KYAT3: variants seen among roughly 807,000 people sequenced by gnomAD.
The protein encoded by KYAT3 is kynurenine aminotransferase 3, also known as kynurenine--oxoglutarate transaminase 3.
KYAT3 carries 50 observed loss-of-function variants against 59.0 expected under a neutral mutation model. That is an observed-to-expected ratio of 0.85 (90% CI 0.68 to 1.07). The LOEUF (loss-of-function observed/expected upper bound fraction) is 1.07. Ranked by LOEUF, KYAT3 falls within the 50% of genes least tolerant of loss-of-function variation. The pLI is 0.00. For missense variants in KYAT3, 497 were observed against 533.3 expected (o/e 0.93, Z 0.67); for synonymous variants, 148 against 177.0 (o/e 0.84, Z 1.30).
intron 2 of KYAT3, chr1:88,983,144 G>C: frequency 1.2e-6 from 2 of 1,612,498 alleles, no homozygotes; most frequent in Non-Finnish European, 1.7e-6. Flanking sequence ...TGTATCACGA[G>C]AACTTGGGTA....
intron 2 of KYAT3, chr1:88,983,734 A>G (rs148869795): frequency 1.7e-4 from 277 of 1,614,038 alleles, no homozygotes; most frequent in Middle Eastern, 1.2e-3. Flanking sequence ...CTATTCGTCC[A>G]TATTTGCCAA....
rs1309028345 is a variant in KYAT3 at position 88,935,999 on chromosome 1, G to A, written c.*184C>T. On this transcript the variant is annotated 3_prime_UTR_variant, in exon 14 of 14. Transcript: ENST00000260508. ...GAAGGTGTGTTAATACATTTCAACT[G>A]GAAAAAAAAGGTCAGATCCCCCGAA... The A allele has an allele frequency of 7.9e-6, 4 of 507,464 alleles. No homozygotes were observed. Among genetic ancestry groups the A allele is most frequent in the Non-Finnish European group, 1.4e-5 (4 of 281,262 alleles). The allele number at this position is 507,464 out of a possible 1,614,324, so 31.4% of individuals were successfully genotyped here.
At chr1:88,943,560 G>A in intron 11 of KYAT3, 137 bp from the exon 12 acceptor site, 1 of 620,024 alleles carries the variant, frequency 1.6e-6, no homozygotes, top group Non-Finnish European at 2.9e-6. Context: ...CATAGTCACA[G>A]AATATGCTGG....
rs373043582 is a variant in KYAT3 at position 88,955,196 on chromosome 1, T to G, written c.817A>C (p.Ile273Leu). The change falls in exon 9 of 14, where the codon ATA (isoleucine) becomes CTA (leucine). Residue 273 changes from isoleucine (I) to leucine (L), a missense_variant. Physicochemically the swap from Ile to Leu is conservative, Grantham distance 5. Coordinates refer to ENST00000260508, the MANE Select transcript of KYAT3 (RefSeq NM_001008661.3). ...GTCTTTCCAGCACTTCCTATTGTTA[T>G]TGTTCTCTCCCACATACCTGGAAAA... Reference protein sequence around the residue: ...ATFPGMWERTITIGSAGKTFS... With the variant: ...ATFPGMWERTLTIGSAGKTFS... 10 of 1,612,594 alleles carry G rather than the reference T, an allele frequency of 6.2e-6. No individual in the cohort carries two copies. Among genetic ancestry groups the G allele is most frequent in the African/African-American group, 5.3e-5 (4 of 75,020 alleles).
At chr1:88,940,524 G>A (rs1370423999) in intron 13 of KYAT3, among the ~76,000 whole-genome samples, 3 of 151,532 alleles carry the variant, frequency 2.0e-5, no homozygotes, top group African/African-American at 7.3e-5. Flanking sequence ...TAAGGGAGAA[G>A]CTGGGGCAGC....
chr1:88,927,354 C>T, the KYAT3 span, among the ~76,000 whole-genome samples: 1 of 152,148 alleles, frequency 6.6e-6, no homozygotes, highest in Non-Finnish European at 1.5e-5. Context: ...GGGGGAGAAA[C>T]CTGGCCTCCT....
At chr1:88,974,273 A>T (rs1042468324) in intron 2 of KYAT3, among the ~76,000 whole-genome samples, 3 of 152,192 alleles carry the variant, frequency 2.0e-5, no homozygotes, top group African/African-American at 7.2e-5. Context: ...GTCATTTAAA[A>T]ATATTTTTAA....
chr1:88,986,352 G>C (rs931885642), intron 2 of KYAT3, among the ~76,000 whole-genome samples: 3 of 151,434 alleles, frequency 2.0e-5, no homozygotes, highest in Admixed American at 6.6e-5. Flanking sequence ...AGGGCCAGGC[G>C]CGGTGGCTCA....
the KYAT3 span, among the ~76,000 whole-genome samples, chr1:88,926,342 C>T: frequency 1.3e-5 from 2 of 151,982 alleles, no homozygotes; most frequent in East Asian, 1.9e-4. Context: ...CACAGGGTCT[C>T]GCTCTGTCAC....
intron 1 of KYAT3, among the ~76,000 whole-genome samples, chr1:88,989,447 G>T (rs1677656219): frequency 6.6e-6 from 1 of 152,164 alleles, no homozygotes; most frequent in African/African-American, 2.4e-5. Context: ...CACAATAGGT[G>T]AATAAATTAA....
intron 8 of KYAT3, among the ~76,000 whole-genome samples, chr1:88,958,541 A>G (rs753880022): frequency 4.6e-5 from 7 of 152,236 alleles, no homozygotes; most frequent in Non-Finnish European, 8.8e-5. Context: ...CAGAATTTTA[A>G]AAAATCAATG....
upstream of KYAT3, chr1:88,992,757 G>T (rs1254248481): frequency 6.8e-6 from 1 of 147,354 alleles, no homozygotes; most frequent in Non-Finnish European, 1.5e-5. Context: ...GGCTGGAAGA[G>T]ACTGGATGAG....
rs1676996472 is a variant in KYAT3 at position 88,979,935 on chromosome 1, G to A, written c.99+8317C>T. On this transcript the variant is annotated intron_variant, in intron 2 of 13. Transcript: ENST00000260508. ...ACAATCCCAAGGTCCATCAACAGGTGAGTAGAAAAACAAATAATGGCATAT... is the reference window on the plus strand; with the variant it reads ...ACAATCCCAAGGTCCATCAACAGGTAAGTAGAAAAACAAATAATGGCATAT... The A allele has an allele frequency of 2.0e-5, 3 of 152,274 alleles. No homozygotes were observed. In the South Asian group the frequency reaches 6.2e-4, roughly 32 times the overall value. The allele number at this position is 152,274 out of a possible 1,614,324, so 9.4% of individuals were successfully genotyped here.
At chr1:88,945,204 T>C (rs891860032) in intron 11 of KYAT3, among the ~76,000 whole-genome samples, 1 of 152,202 alleles carries the variant, frequency 6.6e-6, no homozygotes, top group African/African-American at 2.4e-5. Flanking sequence ...AATATAATTA[T>C]AAAGGTTTTT....
At chr1:88,965,709 T>C (rs1676322147) in intron 4 of KYAT3, among the ~76,000 whole-genome samples, 1 of 152,162 alleles carries the variant, frequency 6.6e-6, no homozygotes, top group Non-Finnish European at 1.5e-5. Context: ...ATTTGGTATT[T>C]AGGTCAATAT....
intron 9 of KYAT3, 31 bp from the exon 10 acceptor site, chr1:88,953,183 A>C: frequency 6.9e-7 from 1 of 1,443,086 alleles, no homozygotes; most frequent in Admixed American, 1.7e-5. Flanking sequence ...AGATTTCAGA[A>C]AATCTAATTG....
At chr1:88,954,407 G>A (rs1675818757) in intron 9 of KYAT3, among the ~76,000 whole-genome samples, 1 of 152,192 alleles carries the variant, frequency 6.6e-6, no homozygotes, top group South Asian at 2.1e-4. Flanking sequence ...TCTGTAAAAT[G>A]AGGACACTAA....
chr1:88,934,135 G>A (rs1227825880), downstream of KYAT3, among the ~76,000 whole-genome samples: 1 of 152,144 alleles, frequency 6.6e-6, no homozygotes, highest in East Asian at 1.9e-4. Context: ...AGGTGAGAAT[G>A]GAGGTAGCAT....
chr1:88,988,953 A>C (rs1417768894), intron 1 of KYAT3, among the ~76,000 whole-genome samples: 1 of 152,208 alleles, frequency 6.6e-6, no homozygotes, highest in African/African-American at 2.4e-5. Flanking sequence ...TGCATTCTGA[A>C]TTGCTTCTCT....
Sources: gnomAD v4.1 joint callset for allele counts (sites outside exome capture counted in the v4.1 genomes callset) on GRCh38, gnomAD v4.1.1 for gene constraint, MANE v1.5 for transcripts, NCBI Gene and HGNC (gene_info 2026-07-23, HGNC 2026-07-21) for gene names.